CROCC2: variants seen among roughly 807,000 people sequenced by gnomAD.
The protein encoded by CROCC2 is ciliary rootlet coiled-coil, rootletin family member 2.
Under a neutral mutation model 177.6 loss-of-function variants are expected in CROCC2, and 163 were observed. The observed-to-expected ratio is 0.92, with a 90% confidence interval of 0.81 to 1.05. The LOEUF (loss-of-function observed/expected upper bound fraction) is 1.05, where lower values mean the gene tolerates loss of function less well. Ranked by LOEUF, CROCC2 falls within the 50% of genes least tolerant of loss-of-function variation. The pLI is 0.00. For synonymous variants in CROCC2, 904 were observed against 787.3 expected (o/e 1.15, Z -2.48); for missense variants, 1,929 against 1,797.8 (o/e 1.07, Z -1.32).
chr2:240,919,568 C>T (rs1559589851), intron 2 of CROCC2, among the ~76,000 whole-genome samples: 1 of 152,114 alleles, frequency 6.6e-6, no homozygotes, highest in Non-Finnish European at 1.5e-5. Context: ...CCTGCAGGCC[C>T]GGGGAACTGG....
intron 11 of CROCC2, 63 bp from the exon 12 acceptor site, chr2:240,934,268 A>C: frequency 6.6e-7 from 1 of 1,516,684 alleles, no homozygotes; most frequent in South Asian, 1.3e-5. Flanking sequence ...GCCTGCCTGA[A>C]ATCCCATGGG....
rs1371653940 is a variant in CROCC2, at chr2:240,933,899, C to G, written c.1646+47C>G. 24 of 1,509,698 alleles carry G rather than the reference C, an allele frequency of 1.6e-5. No homozygotes were observed. In the East Asian group the frequency reaches 3.0e-4, roughly 19 times the overall value. 93.5% of individuals were successfully genotyped at this position (1,509,698 alleles called of 1,614,324 possible). On this transcript the variant is annotated intron_variant, in intron 11 of 31. Coordinates refer to ENST00000690015, the MANE Select transcript of CROCC2 (RefSeq NM_001351305.2). ...GGCAGGGCCCCTCCCACAGAAGAGA[C>G]CCCACTCTGCCACCATCAGCCACTT... is the stretch of plus-strand genomic sequence containing the variant.
At chr2:240,942,204 T>A in intron 14 of CROCC2, among the ~76,000 whole-genome samples, 1 of 152,244 alleles carries the variant, frequency 6.6e-6, no homozygotes, top group East Asian at 1.9e-4. Flanking sequence ...GCTCTTGTTG[T>A]TCTATATTTT....
At chr2:240,933,966 A>C (rs1195731267) in intron 11 of CROCC2, 114 bp downstream of exon 11, 124 of 1,183,376 alleles carry the variant, frequency 1.0e-4, no homozygotes, top group Non-Finnish European at 1.3e-4. Flanking sequence ...GTCTCATCTC[A>C]GGGTGTGGTG....
In CROCC2 at chr2:240,933,846, A is replaced by G. The variant is rs1196697570; in HGVS notation, c.1640A>G (p.Glu547Gly). Residue 547 changes from glutamate to glycine, a missense_variant, in exon 11 of 32, where the codon GAG becomes GGG. By Grantham distance (98) the Glu-to-Gly change is moderately conservative (BLOSUM62 -2). Coordinates refer to ENST00000690015, the MANE Select transcript of CROCC2 (RefSeq NM_001351305.2). ...AGGGAGCGGAGCTGCAGGGCACTGG[A>G]GACCAGGTGCGCGGCCGTGGCTGGG... is the stretch of plus-strand genomic sequence containing the variant. ...LRRERSCRALETSQGRLQQLE... is the reference protein window; with the variant it reads ...LRRERSCRALGTSQGRLQQLE... 6.5e-7 allele frequency: 1 copy of G among 1,545,040 alleles called. No homozygotes were observed. The highest frequency in any genetic ancestry group is 2.5e-5 in the East Asian group (1 of 40,804).
At chr2:240,939,979 A>G (rs2059487516) in intron 14 of CROCC2, among the ~76,000 whole-genome samples, 1 of 152,226 alleles carries the variant, frequency 6.6e-6, no homozygotes, top group East Asian at 1.9e-4. Context: ...CATCAAAAGA[A>G]TGTGTATTAT....
At chr2:240,952,888 G>T (rs1183572862) in intron 18 of CROCC2, among the ~76,000 whole-genome samples, 3 of 152,040 alleles carry the variant, frequency 2.0e-5, no homozygotes, top group African/African-American at 7.2e-5. Context: ...GGAGGAGAAA[G>T]GTAAGTTCAA....
intron 14 of CROCC2, among the ~76,000 whole-genome samples, chr2:240,935,877 T>C (rs1034857995): frequency 6.6e-6 from 1 of 152,230 alleles, no homozygotes; most frequent in Admixed American, 6.5e-5. Flanking sequence ...CTTAGTGAGC[T>C]TTGCTGTTTC....
Position 240,925,774 on chromosome 2 carries a change from A to G in CROCC2, c.539A>G (p.His180Arg), listed in dbSNP as rs773004569. ...VNALLREQLEHMKKANDALGR... is the reference protein window; with the variant it reads ...VNALLREQLERMKKANDALGR... ...GCGCTCCTGCGGGAGCAGCTGGAAC[A>G]TATGAAGAAGGCCAATGACGCGCTG... Residue 180 changes from histidine to arginine, a missense_variant, in exon 5 of 32, where the codon CAT (histidine) becomes CGT (arginine). Physicochemically the swap from His to Arg is conservative, Grantham distance 29 (BLOSUM62 0). Coordinates refer to ENST00000690015, the MANE Select transcript of CROCC2 (RefSeq NM_001351305.2). The G allele has an allele frequency of 4.0e-5, 29 of 716,976 alleles. No homozygotes were observed. Among genetic ancestry groups the G allele is most frequent in the South Asian group, 2.8e-4 (19 of 67,600 alleles). The allele number at this position is 716,976 out of a possible 1,614,324, so 44.4% of individuals were successfully genotyped here.
intron 8 of CROCC2, 76 bp from the exon 9 acceptor site, chr2:240,932,626 A>G: frequency 1.4e-6 from 1 of 715,086 alleles, no homozygotes; most frequent in East Asian, 2.7e-5. Flanking sequence ...GACCCTCAGG[A>G]CTGTCTGCGC....
chr2:240,958,151 G>C lies in CROCC2; in HGVS notation c.2944-1150G>C. 1.0e-6 allele frequency: 1 copy of C among 985,396 alleles called. No homozygotes were observed. Among genetic ancestry groups the C allele is most frequent in the Non-Finnish European group, 1.2e-6 (1 of 829,910 alleles). The allele number at this position is 985,396 out of a possible 1,614,324, so 61.0% of individuals were successfully genotyped here. A position where few individuals can be genotyped will look rare whatever the true frequency, so the allele number is the denominator to read the frequency against. On this transcript the variant is annotated intron_variant, in intron 19 of 31. Transcript: ENST00000690015. This position sits in a 1 kb window ranked among gnomAD's most constrained non-coding sequence, Gnocchi z 6.7. ...GAGGAGCGGGAGGAGAGGAATGCCG[G>C]CCAAGGAGCACCAGGCGCCAGATGA...
At position 240,967,403 on chromosome 2, in the gene CROCC2, G is replaced by C. The variant is rs547720554; in HGVS notation, c.4205G>C (p.Arg1402Thr). ...AGCCGGCTGAGCGAGGCAGAGTGCA[G>C]GTGTGCCCGGGCCCAGAGCCGCGTG... Reference protein sequence around the residue: ...LSSRLSEAECRCARAQSRVGQ... With the variant: ...LSSRLSEAECTCARAQSRVGQ... Residue 1402 changes from arginine (R) to threonine (T), a missense_variant, in exon 26 of 32, where the codon AGG (arginine) becomes ACG (threonine). Physicochemically the swap from Arg to Thr is moderately conservative, Grantham distance 71. Coordinates refer to ENST00000690015, the MANE Select transcript of CROCC2 (RefSeq NM_001351305.2). 13 of 938,934 alleles carry C rather than the reference G, an allele frequency of 1.4e-5. No individual in the cohort carries two copies. In the South Asian group the frequency reaches 1.7e-4, roughly 12 times the overall value. 58.2% of individuals were successfully genotyped at this position (938,934 alleles called of 1,614,324 possible). A position where few individuals can be genotyped will look rare whatever the true frequency, so the allele number is the denominator to read the frequency against.
intron 21 of CROCC2, 199 bp downstream of exon 21, chr2:240,963,972 T>C (rs2059659833): frequency 3.2e-6 from 2 of 620,032 alleles, no homozygotes. Flanking sequence ...GAGGGATGGC[T>C]GAGGACATGG....
At chr2:240,975,011 T>C (rs767164116) in intron 27 of CROCC2, among the ~76,000 whole-genome samples, 77 of 152,346 alleles carry the variant, frequency 5.1e-4, no homozygotes, top group Admixed American at 7.8e-4. Flanking sequence ...GATCTTTGTT[T>C]ATGCTCCTGC....
At chr2:240,975,094 A>C (rs2059750870) in intron 27 of CROCC2, among the ~76,000 whole-genome samples, 1 of 152,214 alleles carries the variant, frequency 6.6e-6, no homozygotes, top group Non-Finnish European at 1.5e-5. Flanking sequence ...TGTTTAGAGA[A>C]TACTGGACAA....
chr2:240,931,768 A>G (rs551148936), intron 7 of CROCC2, among the ~76,000 whole-genome samples: 1 of 152,270 alleles, frequency 6.6e-6, no homozygotes, highest in Non-Finnish European at 1.5e-5. Context: ...AGCCCTCCCT[A>G]CCCTCAGGGG....
intron 3 of CROCC2, among the ~76,000 whole-genome samples, chr2:240,920,626 G>A (rs1002506509): frequency 4.6e-5 from 7 of 152,258 alleles, no homozygotes; most frequent in African/African-American, 1.7e-4. Flanking sequence ...GACAACTGAG[G>A]CTGGCCGGGG....
In CROCC2 at chr2:240,933,817, G is replaced by GCT; in HGVS notation, c.1612_1613insTC (p.Arg538LeufsTer38). ...CAGAGCGGAGGGAGGAGCTGGCTCT[G>GCT]CGGAGGGAGCGGAGCTGCAGGGCAC... On this transcript the variant is annotated frameshift_variant, in exon 11 of 32. Coordinates refer to ENST00000690015, the MANE Select transcript of CROCC2 (RefSeq NM_001351305.2). LOFTEE classifies it high-confidence loss of function. 3.2e-6 allele frequency: 5 copies of GCT among 1,548,192 alleles called. No individual in the cohort carries two copies. In the South Asian group the frequency reaches 6.0e-5, roughly 18 times the overall value.
rs1206933767 is a variant in CROCC2, at chr2:240,950,479, GC to G, written c.2800del (p.Leu934PhefsTer14). The G allele has an allele frequency of 6.5e-7, 1 of 1,550,090 alleles. No individual in the cohort carries two copies. ...AGCCTGAAGCAGGAGCGGGACGAGA[GC>G]CTTCTCCAACTGGAGCACAAGATGC... The part of the protein sequence containing the change: ...IQSLKQERDE[S>X]LLQLEHKMQQ... On this transcript the variant is annotated frameshift_variant, in exon 18 of 32. Coordinates refer to ENST00000690015, the MANE Select transcript of CROCC2 (RefSeq NM_001351305.2). LOFTEE classifies it high-confidence loss of function.
Sources: allele counts gnomAD v4.1 joint callset (sites outside exome capture counted in the v4.1 genomes callset), GRCh38; gene constraint gnomAD v4.1.1; non-coding constraint Gnocchi (gnomAD v3.1); transcripts MANE v1.5; gene names NCBI Gene and HGNC (gene_info 2026-07-23, HGNC 2026-07-21).